Variants in TEKT5 observed in about 807,000 individuals in gnomAD.
TEKT5 encodes the protein tektin-5.
A neutral mutation model predicts 48.7 loss-of-function variants in TEKT5; 52 were observed. That is an observed-to-expected ratio of 1.07 (90% confidence interval 0.86 to 1.35). TEKT5 has a LOEUF of 1.35. Ranked by LOEUF, TEKT5 falls within the 40% of genes most tolerant of loss-of-function variation. The pLI, the probability that TEKT5 is intolerant of heterozygous loss-of-function variation, is 0.00. For missense variants in TEKT5, 831 were observed against 641.6 expected, an observed-to-expected ratio of 1.30 and a Z score of -3.19; for synonymous variants, 318 against 267.6, an observed-to-expected ratio of 1.19 and a Z score of -1.84.
At chr16:10,647,464 C>G (rs1395735748) in intron 5 of TEKT5, among the ~76,000 whole-genome samples, 1 of 134,538 alleles carries the variant, frequency 7.4e-6, no homozygotes, top group Admixed American at 7.2e-5. Context: ...AGAGTGGGAC[C>G]CTGTCTCAAA....
At chr16:10,689,862 C>G (rs968177020) in intron 2 of TEKT5, 80 bp downstream of exon 2, 7 of 1,397,012 alleles carry the variant, frequency 5.0e-6, no homozygotes, top group East Asian at 4.6e-5. Flanking sequence ...CTGCTCCTGA[C>G]AGGTAGCTCA....
At chr16:10,679,100 G>A (rs1317415815) in intron 4 of TEKT5, among the ~76,000 whole-genome samples, 1 of 152,158 alleles carries the variant, frequency 6.6e-6, no homozygotes, top group African/African-American at 2.4e-5. Context: ...AGATAATAAT[G>A]GTACCAACCC....
chr16:10,640,236 G>C (rs375508695), intron 5 of TEKT5, among the ~76,000 whole-genome samples: 1 of 148,970 alleles, frequency 6.7e-6, no homozygotes, highest in Non-Finnish European at 1.5e-5. Flanking sequence ...TCTGCCTCCC[G>C]GGCTCCAGTG....
chr16:10,649,014 A>G (rs1014942378), intron 5 of TEKT5, among the ~76,000 whole-genome samples: 1 of 151,842 alleles, frequency 6.6e-6, no homozygotes, highest in African/African-American at 2.4e-5. Flanking sequence ...CAATGGCATG[A>G]TCATGGCTCA....
At chr16:10,647,366 GGAGGCT>G in intron 5 of TEKT5, among the ~76,000 whole-genome samples, 1 of 151,984 alleles carries the variant, frequency 6.6e-6, no homozygotes, top group East Asian at 1.9e-4. Context: ...CAGCTACTCA[GGAGGCT>G]GAGGCAGGAG....
rs148196470 is a variant in TEKT5, at chr16:10,635,472, G to A, written c.1241+292C>T. ...CTTGGCTTTCAAGTGAAACAAGAGG[G>A]TTTCTAGAGCACAACAGAGTTACAA... is the stretch of plus-strand genomic sequence containing the variant. On this transcript the variant is annotated intron_variant, in intron 6 of 6. Coordinates refer to ENST00000283025, the MANE Select transcript of TEKT5 (RefSeq NM_144674.2). 4.4e-3 allele frequency among the ~76,000 whole-genome samples: 670 copies of A among 152,230 alleles called. 5 individuals are homozygous for A. Among genetic ancestry groups the A allele is most frequent in the Middle Eastern group, 0.01 (3 of 294 alleles).
intron 5 of TEKT5, among the ~76,000 whole-genome samples, chr16:10,667,855 G>C (rs1898483567): frequency 6.7e-6 from 1 of 149,246 alleles, no homozygotes. Flanking sequence ...ATAACAATAG[G>C]CAAAATGGGA....
chr16:10,629,516 G>A (rs368672477), intron 6 of TEKT5, among the ~76,000 whole-genome samples: 8 of 152,136 alleles, frequency 5.3e-5, no homozygotes, highest in African/African-American at 1.7e-4. Context: ...CTCCCAAAGT[G>A]CTGGGATTAC....
intron 5 of TEKT5, among the ~76,000 whole-genome samples, chr16:10,667,422 G>A (rs1029406186): frequency 1.3e-5 from 2 of 152,158 alleles, no homozygotes; most frequent in South Asian, 4.1e-4. Context: ...TTCAAATCAT[G>A]TTCAAATAAG....
intron 5 of TEKT5, among the ~76,000 whole-genome samples, chr16:10,651,441 G>T (rs995082736): frequency 6.6e-5 from 10 of 152,162 alleles, no homozygotes. Context: ...AGGGGTTTTG[G>T]TCTGTTTTGC....
intron 5 of TEKT5, among the ~76,000 whole-genome samples, chr16:10,665,428 A>C (rs908540852): frequency 6.6e-6 from 1 of 152,180 alleles, no homozygotes; most frequent in Non-Finnish European, 1.5e-5. Flanking sequence ...TCCTGAGCAT[A>C]GGTGGTGTTC....
At chr16:10,660,233 C>T (rs868134103) in intron 5 of TEKT5, among the ~76,000 whole-genome samples, 1 of 152,112 alleles carries the variant, frequency 6.6e-6, no homozygotes, top group Non-Finnish European at 1.5e-5. Context: ...CGGGGGTTGC[C>T]TGTGTAATAG....
At chr16:10,645,373 G>A (rs1250669195) in intron 5 of TEKT5, among the ~76,000 whole-genome samples, 1 of 151,898 alleles carries the variant, frequency 6.6e-6, no homozygotes, top group East Asian at 1.9e-4. Flanking sequence ...TTAGTCAGGT[G>A]TGGTGGTTTG....
intron 5 of TEKT5, among the ~76,000 whole-genome samples, chr16:10,645,843 T>C (rs1467275437): frequency 6.6e-6 from 1 of 152,004 alleles, no homozygotes; most frequent in Non-Finnish European, 1.5e-5. Flanking sequence ...TATAATAATT[T>C]GTTGGCTGGC....
intron 5 of TEKT5, among the ~76,000 whole-genome samples, chr16:10,650,622 G>A (rs959398783): frequency 4.0e-5 from 6 of 151,334 alleles, no homozygotes; most frequent in Admixed American, 1.3e-4. Context: ...GGTGGCTCAC[G>A]CCTGTAATCC....
intron 4 of TEKT5, among the ~76,000 whole-genome samples, chr16:10,680,882 A>T (rs1666770084): frequency 3.3e-5 from 4 of 120,194 alleles, no homozygotes; most frequent in South Asian, 3.2e-4. Flanking sequence ...GGGGGGAGGG[A>T]TAGCATTAGG....
intron 5 of TEKT5, among the ~76,000 whole-genome samples, chr16:10,651,698 A>C (rs1330515849): frequency 1.3e-5 from 2 of 152,086 alleles, no homozygotes; most frequent in Non-Finnish European, 2.9e-5. Context: ...GGTGGCTCTC[A>C]CCTGTAATCC....
At chr16:10,669,109 T>C (rs1297354907) in intron 5 of TEKT5, among the ~76,000 whole-genome samples, 3 of 152,208 alleles carry the variant, frequency 2.0e-5, no homozygotes, top group African/African-American at 4.8e-5. Context: ...TACAAATATG[T>C]GTACATGAGT....
At chr16:10,684,521 C>A (rs1898820390) in intron 3 of TEKT5, among the ~76,000 whole-genome samples, 1 of 151,930 alleles carries the variant, frequency 6.6e-6, no homozygotes, top group Admixed American at 6.6e-5. Flanking sequence ...CGGGTCATGT[C>A]GGAGCAGGAG....
Sources: allele counts gnomAD v4.1 joint callset (sites outside exome capture counted in the v4.1 genomes callset), GRCh38; gene constraint gnomAD v4.1.1; transcripts MANE v1.5; gene names NCBI Gene and HGNC (gene_info 2026-07-23, HGNC 2026-07-21).